RBM25: variants seen among roughly 807,000 people sequenced by gnomAD.
RBM25 encodes the protein RNA binding motif protein 25, also known as RNA-binding protein 25.
RBM25 carries 19 observed loss-of-function variants against 120.7 expected under a neutral mutation model. The observed-to-expected ratio is 0.16, with a 90% CI of 0.11 to 0.23. The LOEUF is 0.23. RBM25 is among the 10% of genes least tolerant of loss of function. The pLI, the probability that RBM25 is intolerant of heterozygous loss-of-function variation, is 1.00. For synonymous variants in RBM25, 390 were observed against 326.7 expected, an observed-to-expected ratio of 1.19 and a Z score of -2.09; for missense variants, 605 against 1,041.5, an observed-to-expected ratio of 0.58 and a Z score of 5.77.
intron 13 of RBM25, among the ~76,000 whole-genome samples, 160 bp downstream of exon 13, chr14:73,108,059 G>T (rs362433): frequency 0.031 from 4,694 of 152,246 alleles, 109 homozygotes; most frequent in Middle Eastern, 0.092. Context: ...TGTTTTCGTT[G>T]GGAGAAAAGA....
intron 2 of RBM25, 46 bp downstream of exon 2, chr14:73,071,793 TCTTTGTGATACTAA>T (rs758782533): frequency 6.9e-7 from 1 of 1,439,484 alleles, no homozygotes; most frequent in Non-Finnish European, 9.8e-7. Flanking sequence ...TGTACTTTTG[TCTTTGTGATACTAA>T]CTTCAGGAAA....
intron 3 of RBM25, 68 bp downstream of exon 3, chr14:73,076,436 A>G: frequency 7.5e-7 from 1 of 1,327,886 alleles, no homozygotes; most frequent in Non-Finnish European, 1.1e-6. Flanking sequence ...GAACAGCATG[A>G]TAAACTTAGA....
chr14:73,108,352 T>A (rs143288215), intron 13 of RBM25, among the ~76,000 whole-genome samples: 1 of 152,356 alleles, frequency 6.6e-6, no homozygotes, highest in South Asian at 2.1e-4. Context: ...ACCTGTGTGC[T>A]AGGTCCAATT....
rs548072305 is a variant in RBM25 at position 73,093,348 on chromosome 14, C to G, written c.544-3567C>G. Reference sequence around the variant, plus strand: ...GTGCCAAAGAATGAGCCCAGCAGAGCTGTTTAACTTCACAGCTACTAGCTT... The same window carrying G: ...GTGCCAAAGAATGAGCCCAGCAGAGGTGTTTAACTTCACAGCTACTAGCTT... On this transcript the variant is annotated intron_variant, in intron 6 of 18. Transcript: ENST00000261973. Among the ~76,000 whole-genome samples, 6 of 152,210 alleles carry G rather than the reference C, an allele frequency of 3.9e-5. 1 individual carries two copies. Among genetic ancestry groups the G allele is most frequent in the Non-Finnish European group, 7.3e-5 (5 of 68,046 alleles).
intron 1 of RBM25, among the ~76,000 whole-genome samples, chr14:73,062,848 C>A (rs908989004): frequency 4.0e-5 from 6 of 151,108 alleles, no homozygotes; most frequent in Non-Finnish European, 7.4e-5. Flanking sequence ...TTTTGGGGGG[C>A]CTCACTCTGT....
In RBM25 at chr14:73,103,019, C is replaced by G. The variant is rs1250036208; in HGVS notation, c.868-173C>G. The G allele has an allele frequency of 1.3e-5, 18 of 1,374,938 alleles. No individual in the cohort carries two copies. The East Asian group carries it at 4.2e-4, about 32-fold the overall frequency. 85.2% of individuals were successfully genotyped at this position (1,374,938 alleles called of 1,614,324 possible). A position where few individuals can be genotyped will look rare whatever the true frequency, so the allele number is the denominator to read the frequency against. On this transcript the variant is annotated intron_variant, in intron 9 of 18. Coordinates refer to ENST00000261973, the MANE Select transcript of RBM25 (RefSeq NM_021239.3). ...TAGAGTATATGGTTTTGCACGAAAT[C>G]TTTCTAGTCTTGTGATTGCTTCAGT...
chr14:73,076,261 G>A, intron 2 of RBM25, 58 bp from the exon 3 acceptor site: 1 of 1,344,798 alleles, frequency 7.4e-7, no homozygotes, highest in South Asian at 1.2e-5. Flanking sequence ...TAATTGTGTG[G>A]CATGTTGTTG....
intron 18 of RBM25, among the ~76,000 whole-genome samples, chr14:73,115,766 G>A (rs1896414129): frequency 6.6e-6 from 1 of 152,224 alleles, no homozygotes; most frequent in Admixed American, 6.5e-5. Context: ...CTGGTGGTTT[G>A]AATGAATTAA....
chr14:73,108,209 T>C (rs1033949363), intron 13 of RBM25, among the ~76,000 whole-genome samples: 12 of 152,216 alleles, frequency 7.9e-5, no homozygotes, highest in African/African-American at 2.2e-4. Flanking sequence ...TTGATTCTTT[T>C]AGAGACAGGG....
chr14:73,102,482 A>G (rs1896075305), intron 9 of RBM25: 2 of 152,250 alleles, frequency 1.3e-5, no homozygotes, highest in Admixed American at 6.5e-5. Flanking sequence ...ATATATTTTC[A>G]TTGTCTTACA....
intron 2 of RBM25, among the ~76,000 whole-genome samples, chr14:73,075,660 G>A (rs578035204): frequency 1.3e-5 from 2 of 152,190 alleles, no homozygotes; most frequent in South Asian, 2.1e-4. Context: ...TTAACACTTG[G>A]TGTATTACTT....
intron 9 of RBM25, chr14:73,101,191 G>A (rs1006381732): frequency 6.6e-6 from 1 of 152,052 alleles, no homozygotes; most frequent in Non-Finnish European, 1.5e-5. Flanking sequence ...CAAAACAGTT[G>A]TTTTTTATTG....
intron 1 of RBM25, among the ~76,000 whole-genome samples, chr14:73,064,177 C>A (rs1895072065): frequency 6.6e-6 from 1 of 151,394 alleles, no homozygotes. Flanking sequence ...AAGTACATAC[C>A]ATCTTTCAAT....
intron 10 of RBM25, 65 bp downstream of exon 10, chr14:73,103,543 A>AG: frequency 6.6e-7 from 1 of 1,511,736 alleles, no homozygotes; most frequent in Non-Finnish European, 8.8e-7. Flanking sequence ...AGTCCTCCAG[A>AG]GTACCATTTG....
Position 73,099,406 on chromosome 14 carries a change from A to G in RBM25, c.756A>G (p.Pro252=), listed in dbSNP as rs1896016468. 2 of 1,605,016 alleles carry G rather than the reference A, an allele frequency of 1.2e-6. No individual in the cohort carries two copies. The highest frequency in any genetic ancestry group is 1.7e-6 in the Non-Finnish European group (2 of 1,178,310). The stretch of plus-strand genomic sequence containing the variant: ...TTTTCCGCAGATTTCCAGTGGCCCC[A>G]CTGATCCCTTATCCACTCATCACTA... The part of the protein sequence containing the change: ...EDIFRRFPVA[P]LIPYPLITKE... Residue 252 remains proline (P), a synonymous_variant, in exon 8 of 19, where the codon CCA becomes CCG. Coordinates refer to ENST00000261973, the MANE Select transcript of RBM25 (RefSeq NM_021239.3).
rs760700193 is a variant in RBM25, at chr14:73,119,724, A to G, written c.2451A>G (p.Glu817=). The G allele has an allele frequency of 1.2e-6, 2 of 1,611,568 alleles. No individual in the cohort carries two copies. Among genetic ancestry groups the G allele is most frequent in the Admixed American group, 1.7e-5 (1 of 59,422 alleles). ...ILDDVAMVLD[E]EAEVFIVKMW... is the part of the protein sequence containing the mutation. ...TGTTTCCTCTTTAGGTACTTGATGAAGAAGCAGAAGTTTTTATAGTCAAAA... is the reference window on the plus strand; with the variant it reads ...TGTTTCCTCTTTAGGTACTTGATGAGGAAGCAGAAGTTTTTATAGTCAAAA... The change falls in exon 19 of 19, where the codon GAA becomes GAG. Residue 817 remains glutamate (E), a synonymous_variant. Transcript: ENST00000261973.
chr14:73,115,153 C>CGTGTGTGTGT (rs33924709), intron 18 of RBM25, among the ~76,000 whole-genome samples: 1,669 of 146,778 alleles, frequency 0.011, 42 homozygotes, highest in African/African-American at 0.035. Context: ...GGAACTGATA[C>CGTGTGTGTGT]GTGTGTGTGT....
intron 1 of RBM25, among the ~76,000 whole-genome samples, chr14:73,061,229 T>C (rs1052819504): frequency 6.6e-6 from 1 of 151,090 alleles, no homozygotes; most frequent in Non-Finnish European, 1.5e-5. Flanking sequence ...GGCTAATTTT[T>C]GTATTTTTAG....
intron 4 of RBM25, among the ~76,000 whole-genome samples, chr14:73,078,564 ATAATAT>A (rs1488785670): frequency 1.3e-5 from 2 of 152,160 alleles, no homozygotes; most frequent in Non-Finnish European, 2.9e-5. Flanking sequence ...AGTAATGGCC[ATAATAT>A]TAATAGTTGT....
Sources: allele counts gnomAD v4.1 joint callset (sites outside exome capture counted in the v4.1 genomes callset), GRCh38; gene constraint gnomAD v4.1.1; transcripts MANE v1.5; gene names NCBI Gene and HGNC (gene_info 2026-07-23, HGNC 2026-07-21).